The following TSGA10 variants were observed in gnomAD, a reference collection of about 807,000 sequenced individuals.
The protein encoded by TSGA10 is testis specific 10.
TSGA10 carries 43 observed loss-of-function variants against 96.6 expected under a neutral mutation model. The ratio of observed to expected loss-of-function variants is 0.44; its 90% CI spans 0.35 to 0.57. The LOEUF (loss-of-function observed/expected upper bound fraction) is 0.57, where lower values mean the gene tolerates loss of function less well. Among genes scored for constraint, TSGA10 ranks in the 20% least tolerant of loss-of-function variants. The probability of loss-of-function intolerance (pLI) is 0.01; values close to 1 mark genes in which losing one functional copy is unlikely to be tolerated. For synonymous variants in TSGA10, 229 were observed against 269.9 expected, an observed-to-expected ratio of 0.85 and a Z score of 1.48; for missense variants, 703 against 834.4, an observed-to-expected ratio of 0.84 and a Z score of 1.94.
chr2:99,060,466 T>C (rs2084554483), intron 16 of TSGA10, among the ~76,000 whole-genome samples: 2 of 152,174 alleles, frequency 1.3e-5, no homozygotes, highest in Admixed American at 1.3e-4. Flanking sequence ...AATGAGTGGA[T>C]ACACCATGTT....
intron 20 of TSGA10, among the ~76,000 whole-genome samples, chr2:99,000,724 A>C (rs2077817940): frequency 1.3e-5 from 2 of 152,242 alleles, no homozygotes; most frequent in South Asian, 4.2e-4. Flanking sequence ...TGGGAAGCGC[A>C]AGGGGTCGGG....
intron 4 of TSGA10, among the ~76,000 whole-genome samples, chr2:99,116,305 T>C (rs1249395733): frequency 6.6e-6 from 1 of 152,210 alleles, no homozygotes; most frequent in Non-Finnish European, 1.5e-5. Flanking sequence ...GAGACTGTCA[T>C]TTTATAATTA....
chr2:98,999,896 G>A (rs146500750), intron 20 of TSGA10, among the ~76,000 whole-genome samples: 216 of 152,204 alleles, frequency 1.4e-3, no homozygotes, highest in Middle Eastern at 3.4e-3. Flanking sequence ...ATACAGGCAC[G>A]TGCCACCATA....
chr2:99,145,086 C>A (rs1438957220), intron 1 of TSGA10, among the ~76,000 whole-genome samples: 1 of 152,196 alleles, frequency 6.6e-6, no homozygotes, highest in Non-Finnish European at 1.5e-5. Flanking sequence ...TCAGGCAGGT[C>A]TACATTCCTT....
intron 16 of TSGA10, among the ~76,000 whole-genome samples, chr2:99,048,487 T>C (rs1454067442): frequency 6.6e-6 from 1 of 152,162 alleles, no homozygotes; most frequent in African/African-American, 2.4e-5. Context: ...GGGAAAGGAT[T>C]CCCTATTTCA....
intron 4 of TSGA10, among the ~76,000 whole-genome samples, chr2:99,113,341 CCTT>C (rs2091972791): frequency 6.6e-6 from 1 of 152,182 alleles, no homozygotes; most frequent in East Asian, 1.9e-4. Context: ...TGCAGATCCT[CCTT>C]ATTATCTCTT....
intron 4 of TSGA10, among the ~76,000 whole-genome samples, chr2:99,111,300 GAACTC>G (rs1198392399): frequency 3.9e-5 from 6 of 152,090 alleles, no homozygotes; most frequent in African/African-American, 7.2e-5. Context: ...TTTCTCTTCT[GAACTC>G]AACTGCTTAG....
intron 17 of TSGA10, among the ~76,000 whole-genome samples, chr2:99,024,319 A>T (rs2080339771): frequency 6.6e-6 from 1 of 151,780 alleles, no homozygotes; most frequent in South Asian, 2.1e-4. Flanking sequence ...TGATCTCCTG[A>T]CCTCATGATC....
chr2:99,071,924 G>A, intron 13 of TSGA10, 50 bp from the exon 14 acceptor site: 1 of 1,498,442 alleles, frequency 6.7e-7, no homozygotes, highest in Non-Finnish European at 9.0e-7. Flanking sequence ...TACTGAAACA[G>A]AGCAACAAAT....
intron 18 of TSGA10, among the ~76,000 whole-genome samples, chr2:99,019,074 G>GA (rs1300118764): frequency 1.3e-5 from 2 of 152,124 alleles, no homozygotes; most frequent in Non-Finnish European, 1.5e-5. Flanking sequence ...GCCTTATAAT[G>GA]AAATTTGACA....
intron 10 of TSGA10, 41 bp downstream of exon 10, chr2:99,103,926 T>TTA: frequency 6.2e-7 from 1 of 1,601,578 alleles, no homozygotes; most frequent in Non-Finnish European, 8.5e-7. Flanking sequence ...AGAGCTATAG[T>TTA]TATAGTAAAC....
At chr2:99,104,383 C>A in intron 9 of TSGA10, among the ~76,000 whole-genome samples, 1 of 152,114 alleles carries the variant, frequency 6.6e-6, no homozygotes, top group East Asian at 1.9e-4. Flanking sequence ...TATAAATATG[C>A]TGTTTGCAAA....
chr2:99,059,080 T>TTA lies in TSGA10; in HGVS notation c.1404+5857_1404+5858dup, dbSNP rs1229831309. Among the ~76,000 whole-genome samples the TTA allele has an allele frequency of 9.7e-3, 528 of 54,326 alleles. 1 individual carries two copies. Among genetic ancestry groups the TTA allele is most frequent in the Non-Finnish European group, 0.012 (396 of 33,862 alleles). 35.6% of individuals were successfully genotyped at this position (54,326 alleles called of 152,430 possible). A position where few individuals can be genotyped will look rare whatever the true frequency, so the allele number is the denominator to read the frequency against. The stretch of plus-strand genomic sequence containing the variant: ...TATATATATATATATTTATATATTT[T>TTA]TATATATATATATATATGCAATCTA... On this transcript the variant is annotated intron_variant, in intron 16 of 20. Coordinates refer to ENST00000393483, the MANE Select transcript of TSGA10 (RefSeq NM_025244.4).
intron 16 of TSGA10, among the ~76,000 whole-genome samples, chr2:99,045,169 A>G (rs1355910785): frequency 6.6e-6 from 1 of 152,216 alleles, no homozygotes; most frequent in Non-Finnish European, 1.5e-5. Context: ...AAGACAAGAA[A>G]TAACTAAGAT....
chr2:99,087,006 C>T (rs970432906), intron 10 of TSGA10, among the ~76,000 whole-genome samples: 4 of 151,524 alleles, frequency 2.6e-5, no homozygotes, highest in Admixed American at 2.0e-4. Context: ...AGATTGAGAC[C>T]ATCCTGGCTA....
intron 16 of TSGA10, among the ~76,000 whole-genome samples, chr2:99,035,821 C>T (rs2081571387): frequency 6.6e-6 from 1 of 151,964 alleles, no homozygotes; most frequent in Non-Finnish European, 1.5e-5. Flanking sequence ...TTGTTAAAAA[C>T]AAAAATGCTA....
chr2:99,047,087 T>C (rs1431665358), intron 16 of TSGA10, among the ~76,000 whole-genome samples: 2 of 152,106 alleles, frequency 1.3e-5, no homozygotes, highest in African/African-American at 4.8e-5. Context: ...ATTAATAGCT[T>C]ACCAATCAAA....
intron 20 of TSGA10, among the ~76,000 whole-genome samples, chr2:99,013,490 G>A (rs557616902): frequency 1.3e-4 from 20 of 151,748 alleles, no homozygotes; most frequent in African/African-American, 4.6e-4. Flanking sequence ...CTGCCACCAC[G>A]CCCGGCTAAT....
intron 18 of TSGA10, among the ~76,000 whole-genome samples, chr2:99,019,261 T>G: frequency 6.6e-6 from 1 of 152,166 alleles, no homozygotes; most frequent in East Asian, 1.9e-4. Flanking sequence ...ATCTAAACTT[T>G]AGAGACTAAT....
Sources: gnomAD v4.1 joint callset for allele counts (sites outside exome capture counted in the v4.1 genomes callset) on GRCh38, gnomAD v4.1.1 for gene constraint, MANE v1.5 for transcripts, NCBI Gene and HGNC (gene_info 2026-07-23, HGNC 2026-07-21) for gene names.